Variants in TCF7L2 observed in about 807,000 individuals in gnomAD.
TCF7L2 encodes the protein transcription factor 7 like 2.
A neutral mutation model predicts 77.9 loss-of-function variants in TCF7L2; 23 were observed. The ratio of observed to expected loss-of-function variants is 0.30; its 90% confidence interval spans 0.21 to 0.42. The LOEUF (loss-of-function observed/expected upper bound fraction) is 0.42. TCF7L2 is among the 10% of genes least tolerant of loss of function. TCF7L2 has a pLI of 1.00. For synonymous variants in TCF7L2, 413 were observed against 340.2 expected (o/e 1.21, Z -2.36); for missense variants, 654 against 793.1 (o/e 0.82, Z 2.11).
intron 5 of TCF7L2, chr10:113,126,931 C>G (rs2065738330): frequency 1.0e-6 from 1 of 984,854 alleles, no homozygotes; most frequent in African/African-American, 1.7e-5. Context: ...CGGTGGCCGG[C>G]CCGCTGCATC....
intron 4 of TCF7L2, among the ~76,000 whole-genome samples, chr10:113,007,845 G>A (rs1179172419): frequency 3.3e-5 from 5 of 152,218 alleles, no homozygotes; most frequent in Non-Finnish European, 5.9e-5. Flanking sequence ...TCCTTGCCCC[G>A]ATTCCGGGAC....
intron 4 of TCF7L2, among the ~76,000 whole-genome samples, chr10:112,977,092 A>G (rs1425262471): frequency 2.6e-5 from 4 of 151,846 alleles, no homozygotes; most frequent in Non-Finnish European, 1.5e-5. Context: ...TTTAAACAAG[A>G]TGTTTTCCTA....
chr10:113,167,545 G>A lies in TCF7L2; in HGVS notation c.*1573G>A, dbSNP rs764571139. ...CTAACAGTTGTGATGTTACTGTTCC[G>A]TTTTATGCTCTTATTCCAAGTTCAT... On this transcript the variant is annotated 3_prime_UTR_variant, in exon 14 of 14. Transcript: ENST00000627217. 2.8e-5 allele frequency: 6 copies of A among 212,780 alleles called. No individual in the cohort carries two copies. Among genetic ancestry groups the A allele is most frequent in the Non-Finnish European group, 4.7e-5 (5 of 105,286 alleles). 13.2% of individuals were successfully genotyped at this position (212,780 alleles called of 1,614,324 possible). A position where few individuals can be genotyped will look rare whatever the true frequency, so the allele number is the denominator to read the frequency against.
At chr10:113,134,348 G>A (rs2067079080) in intron 5 of TCF7L2, among the ~76,000 whole-genome samples, 1 of 152,212 alleles carries the variant, frequency 6.6e-6, no homozygotes, top group Non-Finnish European at 1.5e-5. Flanking sequence ...AAAAGCAAGT[G>A]TTGGCCTGCT....
At chr10:113,074,261 GAT>G (rs142686246) in intron 5 of TCF7L2, among the ~76,000 whole-genome samples, 114 of 152,210 alleles carry the variant, frequency 7.5e-4, no homozygotes, top group African/African-American at 2.5e-3. Flanking sequence ...AGAGATCAGA[GAT>G]AAAAATATCA....
chr10:113,086,411 T>C (rs980812312), intron 5 of TCF7L2, among the ~76,000 whole-genome samples: 2 of 152,224 alleles, frequency 1.3e-5, no homozygotes, highest in African/African-American at 2.4e-5. Context: ...TCTGCTTGCC[T>C]CCCAGTTGGT....
At chr10:113,128,939 T>TTCTC (rs927889386) in intron 5 of TCF7L2, among the ~76,000 whole-genome samples, 2 of 151,778 alleles carry the variant, frequency 1.3e-5, no homozygotes, top group Non-Finnish European at 2.9e-5. Context: ...TTTCCCTTCC[T>TTCTC]TCTCTCTCTC....
chr10:112,996,602 C>T (rs183321793), intron 4 of TCF7L2, among the ~76,000 whole-genome samples: 12 of 152,280 alleles, frequency 7.9e-5, no homozygotes, highest in Non-Finnish European at 1.2e-4. Flanking sequence ...TTAGTGACCA[C>T]GGTTGACTAC....
chr10:113,019,704 A>AT lies in TCF7L2; in HGVS notation c.451-20314dup, dbSNP rs545256373. On this transcript the variant is annotated intron_variant, in intron 4 of 13. Coordinates refer to ENST00000627217, the MANE Select transcript of TCF7L2 (RefSeq NM_001146274.2). ...AGAAAAGCATTGTCAAAGGTGGTTG[A>AT]TTTTTTTCTTTTGCTGTTTTAAAGT... Among the ~76,000 whole-genome samples, 6 of 152,022 alleles carry AT rather than the reference A, an allele frequency of 3.9e-5. 1 individual carries two copies. The South Asian group carries it at 1.2e-3, about 32-fold the overall frequency.
At chr10:113,119,681 T>TAAA (rs200785657) in intron 5 of TCF7L2, among the ~76,000 whole-genome samples, 86 of 149,036 alleles carry the variant, frequency 5.8e-4, no homozygotes, top group African/African-American at 1.3e-3. Flanking sequence ...TTTTTTTTTT[T>TAAA]AAAAAAACTT....
intron 8 of TCF7L2, among the ~76,000 whole-genome samples, chr10:113,147,477 A>C (rs2069717086): frequency 6.6e-6 from 1 of 152,212 alleles, no homozygotes; most frequent in Non-Finnish European, 1.5e-5. Flanking sequence ...TATATCATCA[A>C]AATTTCAAAA....
chr10:113,035,533 C>T lies in TCF7L2; in HGVS notation c.451-4492C>T, dbSNP rs547926311. Among the ~76,000 whole-genome samples, 30 of 152,278 alleles carry T rather than the reference C, an allele frequency of 2.0e-4. No homozygotes were observed. In the South Asian group the frequency reaches 6.0e-3, roughly 30 times the overall value. On this transcript the variant is annotated intron_variant, in intron 4 of 13. Coordinates refer to ENST00000627217, the MANE Select transcript of TCF7L2 (RefSeq NM_001146274.2). ...AGTGGTGCAATCACGGCTCCTGCAG[C>T]GTGAAACTCCTGGGCTCTAGCAATC...
chr10:113,121,254 C>T (rs545093975), intron 5 of TCF7L2, among the ~76,000 whole-genome samples: 27 of 152,300 alleles, frequency 1.8e-4, no homozygotes, highest in African/African-American at 2.2e-4. Flanking sequence ...CCCCTCTTCT[C>T]GCTCTCCCGC....
intron 4 of TCF7L2, among the ~76,000 whole-genome samples, chr10:113,014,099 A>G (rs1196808282): frequency 6.6e-6 from 1 of 152,252 alleles, no homozygotes; most frequent in African/African-American, 2.4e-5. Flanking sequence ...TAGACGCACC[A>G]AGGGCATGTG....
chr10:112,982,614 A>G (rs1335902927), intron 4 of TCF7L2, among the ~76,000 whole-genome samples: 5 of 152,042 alleles, frequency 3.3e-5, no homozygotes, highest in Non-Finnish European at 7.4e-5. Context: ...AGTCCAGAAT[A>G]CCCTTTATTT....
chr10:113,123,888 AGAAAGT>A (rs1194863632), intron 5 of TCF7L2, among the ~76,000 whole-genome samples: 1 of 152,216 alleles, frequency 6.6e-6, no homozygotes, highest in Non-Finnish European at 1.5e-5. Flanking sequence ...CTTCCCACTT[AGAAAGT>A]GATATATTTT....
intron 5 of TCF7L2, among the ~76,000 whole-genome samples, chr10:113,109,525 G>C (rs2062850206): frequency 6.6e-6 from 1 of 152,134 alleles, no homozygotes; most frequent in Admixed American, 6.5e-5. Context: ...CAAGTAGCTG[G>C]GATTACAGGC....
intron 4 of TCF7L2, among the ~76,000 whole-genome samples, chr10:113,001,028 C>A (rs114783761): frequency 6.6e-6 from 1 of 152,154 alleles, no homozygotes; most frequent in Non-Finnish European, 1.5e-5. Context: ...TCAGGAGGAA[C>A]GCAGAGTGCT....
intron 4 of TCF7L2, among the ~76,000 whole-genome samples, chr10:112,967,358 A>C (rs533688581): frequency 6.6e-6 from 1 of 152,204 alleles, no homozygotes; most frequent in Non-Finnish European, 1.5e-5. Context: ...TGTGCATCAC[A>C]TTAGACTCAT....
Sources: allele counts gnomAD v4.1 joint callset (sites outside exome capture counted in the v4.1 genomes callset), GRCh38; gene constraint gnomAD v4.1.1; transcripts MANE v1.5; gene names NCBI Gene and HGNC (gene_info 2026-07-23, HGNC 2026-07-21).